The following MSI2 variants were observed in gnomAD, a reference collection of about 807,000 sequenced individuals.
The protein encoded by MSI2 is RNA-binding protein Musashi homolog 2.
Under a neutral mutation model 45.6 loss-of-function variants are expected in MSI2, and 17 were observed. The observed-to-expected ratio is 0.37, with a 90% CI of 0.26 to 0.56. The LOEUF (loss-of-function observed/expected upper bound fraction) is 0.56. Among genes scored for constraint, MSI2 ranks in the 20% least tolerant of loss-of-function variants. The probability of loss-of-function intolerance (pLI) is 0.77; values close to 1 mark genes in which losing one functional copy is unlikely to be tolerated. For synonymous variants in MSI2, 156 were observed against 158.2 expected (o/e 0.99, Z 0.11); for missense variants, 293 against 444.2 (o/e 0.66, Z 3.06).
In MSI2 at chr17:57,476,399, A is replaced by T. The variant is rs556670058; in HGVS notation, c.406-53277A>T. On this transcript the variant is annotated intron_variant, in intron 6 of 13. Coordinates refer to ENST00000284073, the MANE Select transcript of MSI2 (RefSeq NM_138962.4). ...CACATAGGTGGGAGCCTTCAACTAGACAACTGTTTCGTCTAGAGTGGCCTA... is the reference window on the plus strand; with the variant it reads ...CACATAGGTGGGAGCCTTCAACTAGTCAACTGTTTCGTCTAGAGTGGCCTA... 2.0e-3 allele frequency among the ~76,000 whole-genome samples: 302 copies of T among 152,298 alleles called. 2 individuals carry two copies. Among genetic ancestry groups the T allele is most frequent in the African/African-American group, 6.9e-3 (287 of 41,556 alleles).
At chr17:57,419,683 T>C (rs1044636733) in intron 6 of MSI2, among the ~76,000 whole-genome samples, 1 of 152,124 alleles carries the variant, frequency 6.6e-6, no homozygotes, top group African/African-American at 2.4e-5. Context: ...AGCTAGTACA[T>C]TTCTCAACTA....
At chr17:57,392,457 G>A (rs2083812580) in intron 5 of MSI2, among the ~76,000 whole-genome samples, 1 of 152,100 alleles carries the variant, frequency 6.6e-6, no homozygotes, top group Non-Finnish European at 1.5e-5. Flanking sequence ...GTAACGTTGT[G>A]CCCTGACTAT....
chr17:57,332,599 A>G (rs1196622636), intron 5 of MSI2, among the ~76,000 whole-genome samples: 4 of 152,250 alleles, frequency 2.6e-5, no homozygotes, highest in Non-Finnish European at 4.4e-5. Context: ...TGGGTTAAGA[A>G]TACTTTAAAA....
At chr17:57,362,896 C>G (rs114237906) in intron 5 of MSI2, among the ~76,000 whole-genome samples, 8 of 152,134 alleles carry the variant, frequency 5.3e-5, no homozygotes, top group Non-Finnish European at 8.8e-5. Context: ...TGTTGGAACC[C>G]TTACGTGTTG....
chr17:57,490,509 A>T (rs2085849158), intron 6 of MSI2, among the ~76,000 whole-genome samples: 2 of 152,174 alleles, frequency 1.3e-5, no homozygotes. Flanking sequence ...TGCTTTGAAA[A>T]CAGCCCTCTG....
At chr17:57,566,580 G>A (rs1337065603) in intron 7 of MSI2, among the ~76,000 whole-genome samples, 1 of 152,156 alleles carries the variant, frequency 6.6e-6, no homozygotes, top group Non-Finnish European at 1.5e-5. Flanking sequence ...TTGGTAGAGG[G>A]CATGTGCAGA....
upstream of MSI2, chr17:57,256,445 GA>G: frequency 5.0e-6 from 1 of 199,964 alleles, no homozygotes; most frequent in Non-Finnish European, 1.0e-5. Context: ...GGAGGAGGGG[GA>G]GGAGGAGGAG....
chr17:57,529,623 G>A lies in MSI2; in HGVS notation c.406-53G>A. On this transcript the variant is annotated intron_variant, in intron 6 of 13. Coordinates refer to ENST00000284073, the MANE Select transcript of MSI2 (RefSeq NM_138962.4). The surrounding 1 kb of genome is among the most constrained non-coding windows in gnomAD (Gnocchi z 5.3). ...CCCCCCGACATGCATATAATGTTTTGTGTACTTTCTTAAAATTCCTAAGGC... is the reference window on the plus strand; with the variant it reads ...CCCCCCGACATGCATATAATGTTTTATGTACTTTCTTAAAATTCCTAAGGC... The A allele has an allele frequency of 6.5e-7, 1 of 1,536,288 alleles. No homozygotes were observed. Among genetic ancestry groups the A allele is most frequent in the Non-Finnish European group, 9.0e-7 (1 of 1,115,094 alleles).
At chr17:57,420,063 A>G (rs1802891444) in intron 6 of MSI2, among the ~76,000 whole-genome samples, 1 of 152,202 alleles carries the variant, frequency 6.6e-6, no homozygotes, top group South Asian at 2.1e-4. Context: ...ACGACCTTGT[A>G]AGGAGATCAC....
chr17:57,545,451 G>A (rs1257277356), intron 7 of MSI2, among the ~76,000 whole-genome samples: 1 of 152,130 alleles, frequency 6.6e-6, no homozygotes, highest in Non-Finnish European at 1.5e-5. Flanking sequence ...ATCCCACCTT[G>A]TTCTGTTCCA....
At chr17:57,265,288 C>G (rs570730626) in intron 5 of MSI2, 5 of 152,298 alleles carry the variant, frequency 3.3e-5, no homozygotes, top group African/African-American at 1.2e-4. Flanking sequence ...TGCCCCTCCT[C>G]GTGGGATGGG....
chr17:57,599,318 G>A (rs1905595111), intron 8 of MSI2, among the ~76,000 whole-genome samples: 1 of 152,228 alleles, frequency 6.6e-6, no homozygotes, highest in Non-Finnish European at 1.5e-5. Context: ...GCTATCCAGA[G>A]AGCGAAGGAG....
chr17:57,680,031 C>T lies in MSI2; in HGVS notation c.*514C>T, dbSNP rs1913505239. 4.4e-6 allele frequency: 1 copy of T among 227,892 alleles called. No individual in the cohort carries two copies. Among genetic ancestry groups the T allele is most frequent in the South Asian group, 1.8e-4 (1 of 5,478 alleles). The allele number at this position is 227,892 out of a possible 1,614,324, so 14.1% of individuals were successfully genotyped here. On this transcript the variant is annotated 3_prime_UTR_variant, in exon 14 of 14. Coordinates refer to ENST00000284073, the MANE Select transcript of MSI2 (RefSeq NM_138962.4). Reference sequence around the variant, plus strand: ...TAATATGACTCTCCATATTTTGGTACCAATTCTGAGACTGTATGAATTTTC... The same window carrying T: ...TAATATGACTCTCCATATTTTGGTATCAATTCTGAGACTGTATGAATTTTC...
intron 6 of MSI2, among the ~76,000 whole-genome samples, chr17:57,482,273 G>A (rs1598318654): frequency 2.6e-5 from 4 of 152,264 alleles, no homozygotes; most frequent in Middle Eastern, 3.4e-3. Flanking sequence ...CCTGTCTCCC[G>A]AGATTGTTGG....
chr17:57,470,179 A>G (rs1016489745), intron 6 of MSI2, among the ~76,000 whole-genome samples: 2 of 152,152 alleles, frequency 1.3e-5, no homozygotes, highest in African/African-American at 4.8e-5. Context: ...TTCTCCAGTA[A>G]AGTATAAGCT....
chr17:57,680,854 T>TA lies in MSI2; in HGVS notation c.*1338dup, dbSNP rs1463799182. On this transcript the variant is annotated 3_prime_UTR_variant, in exon 14 of 14. Coordinates refer to ENST00000284073, the MANE Select transcript of MSI2 (RefSeq NM_138962.4). Reference sequence around the variant, plus strand: ...TCATTTCAGCACCTCCAAAGGTCCCTAGGACACTTTGCCTCTCTTCTCCCC... The same window carrying TA: ...TCATTTCAGCACCTCCAAAGGTCCCTAAGGACACTTTGCCTCTCTTCTCCCC... 1 of 205,932 alleles carries TA rather than the reference T, an allele frequency of 4.9e-6. No homozygotes were observed. Among genetic ancestry groups the TA allele is most frequent in the Non-Finnish European group, 9.9e-6 (1 of 100,836 alleles). 12.8% of individuals were successfully genotyped at this position (205,932 alleles called of 1,614,324 possible).
intron 5 of MSI2, among the ~76,000 whole-genome samples, chr17:57,342,972 G>A (rs1163769446): frequency 6.6e-6 from 1 of 152,134 alleles, no homozygotes; most frequent in Non-Finnish European, 1.5e-5. Context: ...ACCAGTTAAA[G>A]AGTTCTGTGA....
intron 7 of MSI2, among the ~76,000 whole-genome samples, chr17:57,578,239 A>C (rs182365321): frequency 6.6e-6 from 1 of 152,350 alleles, no homozygotes; most frequent in East Asian, 1.9e-4. Flanking sequence ...CACGTTTGAC[A>C]TGATCTAATG....
intron 7 of MSI2, among the ~76,000 whole-genome samples, chr17:57,585,641 C>T (rs750543547): frequency 2.6e-5 from 4 of 152,208 alleles, no homozygotes; most frequent in Non-Finnish European, 5.9e-5. Flanking sequence ...GGAGGATGAA[C>T]GTGAGAGAAG....
Sources: allele counts gnomAD v4.1 joint callset (sites outside exome capture counted in the v4.1 genomes callset), GRCh38; gene constraint gnomAD v4.1.1; non-coding constraint Gnocchi (gnomAD v3.1); transcripts MANE v1.5; gene names NCBI Gene and HGNC (gene_info 2026-07-23, HGNC 2026-07-21).